MYO1C: variants seen among roughly 807,000 people sequenced by gnomAD.
The protein encoded by MYO1C is unconventional myosin-Ic.
Under a neutral mutation model 150.8 loss-of-function variants are expected in MYO1C, and 104 were observed. That is an observed-to-expected ratio of 0.69 (90% CI 0.59 to 0.81). The LOEUF (loss-of-function observed/expected upper bound fraction) is 0.81. Among genes scored for constraint, MYO1C ranks in the 30% least tolerant of loss-of-function variants. The pLI, the probability that MYO1C is intolerant of heterozygous loss-of-function variation, is 0.00. For missense variants in MYO1C, 1,504 were observed against 1,435.0 expected (o/e 1.05, Z -0.78); for synonymous variants, 663 against 579.9 (o/e 1.14, Z -2.06).
In MYO1C at chr17:1,492,582, C is replaced by T. The variant is rs1430892237; in HGVS notation, c.-95G>A. On this transcript the variant is annotated 5_prime_UTR_variant, in exon 1 of 32. Transcript: ENST00000648651. ...GCTCCGACCACTCCGGGACCAGGAA[C>T]CTACGGTCTAACGCCGGGATGGCCA... is the stretch of plus-strand genomic sequence containing the variant. 1.6e-6 allele frequency: 2 copies of T among 1,212,766 alleles called. No homozygotes were observed. Among genetic ancestry groups the T allele is most frequent in the Non-Finnish European group, 2.4e-6 (2 of 842,552 alleles). 75.1% of individuals were successfully genotyped at this position (1,212,766 alleles called of 1,614,324 possible).
rs371291004 is a variant in MYO1C at position 1,475,040 on chromosome 17, T to C, written c.1575-8A>G. On this transcript the variant is annotated splice_region_variant and splice_polypyrimidine_tract_variant and intron_variant, in intron 14 of 31. Coordinates refer to ENST00000648651, the MANE Select transcript of MYO1C (RefSeq NM_001080779.2). ...TGGTCAGCCAGCTTGTGCCTGGGGG[T>C]GACAGGGAGGAAGCTGCAGATGGCT... 2.9e-4 allele frequency: 444 copies of C among 1,550,364 alleles called. 1 individual carries two copies. In the South Asian group the frequency reaches 4.9e-3, roughly 17 times the overall value.
At chr17:1,487,824 G>A (rs1256100619) in intron 1 of MYO1C, among the ~76,000 whole-genome samples, 1 of 152,236 alleles carries the variant, frequency 6.6e-6, no homozygotes, top group Non-Finnish European at 1.5e-5. Context: ...GGGAGGCTGA[G>A]GCACGAGAAT....
intron 25 of MYO1C, chr17:1,469,183 T>C: frequency 8.0e-6 from 3 of 375,250 alleles, no homozygotes; most frequent in South Asian, 6.4e-5. Context: ...CCGGGGTAAA[T>C]ACGGTAGGCG....
rs965613046 is a variant in MYO1C, at chr17:1,465,649, G to A, written c.*77C>T. The A allele has an allele frequency of 2.2e-5, 28 of 1,292,744 alleles. No homozygotes were observed. The highest frequency in any genetic ancestry group is 2.0e-4 in the Middle Eastern group (1 of 4,928). The allele number at this position is 1,292,744 out of a possible 1,614,324, so 80.1% of individuals were successfully genotyped here. A position where few individuals can be genotyped will look rare whatever the true frequency, so the allele number is the denominator to read the frequency against. ...TCCCTGGGTCCCTGTCTGGAAGTTC[G>A]AGTCTTTGGTAACTGGGAAGGGGAG... On this transcript the variant is annotated 3_prime_UTR_variant, in exon 32 of 32. Transcript: ENST00000648651.
chr17:1,482,782 C>T (rs2074556089), intron 4 of MYO1C, 79 bp downstream of exon 4: 3 of 522,600 alleles, frequency 5.7e-6, no homozygotes. Context: ...TCTCTCCCTG[C>T]CCTCCCCTCC....
At chr17:1,467,459 C>G (rs118068886) in intron 30 of MYO1C, 21 bp downstream of exon 30, 25 of 1,610,750 alleles carry the variant, frequency 1.6e-5, no homozygotes, top group Non-Finnish European at 2.0e-5. Flanking sequence ...GCCCTGTCCC[C>G]GGGGGCCGCC....
rs1305578394 is a variant in MYO1C at position 1,470,691 on chromosome 17, T to C, written c.2213-2A>G. 1.2e-6 allele frequency: 2 copies of C among 1,603,024 alleles called. No individual in the cohort carries two copies. The highest frequency in any genetic ancestry group is 2.7e-5 in the African/African-American group (2 of 74,836). On this transcript the variant is annotated splice_acceptor_variant, in intron 21 of 31. Coordinates refer to ENST00000648651, the MANE Select transcript of MYO1C (RefSeq NM_001080779.2). LOFTEE classifies it high-confidence loss of function. Reference sequence around the variant, plus strand: ...TCCAGGCAGCTTGGATCTTTGTGGCTGCGGTTGGGAAAGAAAGGCAATTGG... The same window carrying C: ...TCCAGGCAGCTTGGATCTTTGTGGCCGCGGTTGGGAAAGAAAGGCAATTGG...
chr17:1,473,700 CGG>C (rs1414642488), intron 17 of MYO1C, among the ~76,000 whole-genome samples: 1 of 152,168 alleles, frequency 6.6e-6, no homozygotes, highest in African/African-American at 2.4e-5. Flanking sequence ...GCCTTTCCCC[CGG>C]TCCTTCTCCT....
chr17:1,477,561 G>C lies in MYO1C; in HGVS notation c.1518C>G (p.Asp506Glu), dbSNP rs1305412261. 6.2e-7 allele frequency: 1 copy of C among 1,613,656 alleles called. No individual in the cohort carries two copies. Among genetic ancestry groups the C allele is most frequent in the African/African-American group, 1.3e-5 (1 of 75,048 alleles). The part of the protein sequence containing the change: ...EECLRPGEAT[D>E]LTFLEKLEDT... ...CCTCCAGCTTCTCCAGGAAGGTCAG[G>C]TCTGTGGCCTCCCCGGGGCGCAGAC... Residue 506 changes from aspartate (D) to glutamate (E), a missense_variant, in exon 14 of 32, where the codon GAC (aspartate) becomes GAG (glutamate). Transcript: ENST00000648651.
At chr17:1,475,096 A>C in intron 14 of MYO1C, 64 bp from the exon 15 acceptor site, 1 of 1,510,658 alleles carries the variant, frequency 6.6e-7, no homozygotes, top group Non-Finnish European at 9.0e-7. Flanking sequence ...CTGCCTGCTG[A>C]AAGGGCCTCA....
In MYO1C at chr17:1,487,484, GGAGCGGCGGCCCTGGGGACCCCC is replaced by G. The variant is rs975341409; in HGVS notation, c.76-3204_76-3182del. On this transcript the variant is annotated intron_variant, in intron 1 of 31. Transcript: ENST00000648651. ...GGCTCGTCACTGCAACAACCCGGCCGGAGCGGCGGCCCTGGGGACCCCCGAGCGGGGGCACCAGCTGGTGGGGG... is the reference window on the plus strand; with the variant it reads ...GGCTCGTCACTGCAACAACCCGGCCGGAGCGGGGGCACCAGCTGGTGGGGG... 7.9e-5 allele frequency among the ~76,000 whole-genome samples: 12 copies of G among 152,226 alleles called. 1 individual carries two copies. Among genetic ancestry groups the G allele is most frequent in the South Asian group, 6.2e-4 (3 of 4,838 alleles).
In MYO1C at chr17:1,478,433, G is replaced by C; in HGVS notation, c.1272C>G (p.Gly424=). The C allele has an allele frequency of 6.2e-7, 1 of 1,614,204 alleles. No homozygotes were observed. Among genetic ancestry groups the C allele is most frequent in the Non-Finnish European group, 8.5e-7 (1 of 1,180,034 alleles). Reference sequence around the variant, plus strand: ...ACCTGTTATGCTGAAACACTTCAAAGCCATAAATATCCAGGAGCCCGAGAA... The same window carrying C: ...ACCTGTTATGCTGAAACACTTCAAACCCATAAATATCCAGGAGCCCGAGAA... The part of the protein sequence containing the change: ...TTVLGLLDIY[G]FEVFQHNSFE... Residue 424 remains glycine, a synonymous_variant, in exon 11 of 32, where the codon GGC becomes GGG. Coordinates refer to ENST00000648651, the MANE Select transcript of MYO1C (RefSeq NM_001080779.2). The surrounding 1 kb of genome is among the most constrained non-coding windows in gnomAD (Gnocchi z 6.3).
intron 1 of MYO1C, chr17:1,491,679 C>G (rs1001160876): frequency 2.0e-6 from 2 of 979,676 alleles, no homozygotes; most frequent in Non-Finnish European, 2.4e-6. Flanking sequence ...GGCGCACTCT[C>G]CCCGCCCAGG....
rs370234417 is a variant in MYO1C, at chr17:1,465,666, G to C, written c.*60C>G. 420 of 1,320,546 alleles carry C rather than the reference G, an allele frequency of 3.2e-4. No homozygotes were observed. The highest frequency in any genetic ancestry group is 3.9e-4 in the Non-Finnish European group (403 of 1,020,430). The allele number at this position is 1,320,546 out of a possible 1,614,324, so 81.8% of individuals were successfully genotyped here. A position where few individuals can be genotyped will look rare whatever the true frequency, so the allele number is the denominator to read the frequency against. ...GGAAGTTCGAGTCTTTGGTAACTGG[G>C]AAGGGGAGGAGGAGAAAAGCAAAGC... On this transcript the variant is annotated 3_prime_UTR_variant, in exon 32 of 32. Transcript: ENST00000648651.
intron 7 of MYO1C, among the ~76,000 whole-genome samples, chr17:1,480,304 T>C (rs1490871171): frequency 6.6e-6 from 1 of 150,460 alleles, no homozygotes; most frequent in Non-Finnish European, 1.5e-5. Flanking sequence ...AAAAATTAGC[T>C]GGGCGTGGTG....
intron 1 of MYO1C, among the ~76,000 whole-genome samples, chr17:1,490,528 C>T (rs910155738): frequency 2.0e-5 from 3 of 152,038 alleles, no homozygotes; most frequent in African/African-American, 7.2e-5. Context: ...CAAAAACAAA[C>T]AAAAACCTCA....
At chr17:1,474,581 C>G in intron 17 of MYO1C, 29 bp downstream of exon 17, 2 of 1,606,464 alleles carry the variant, frequency 1.2e-6, no homozygotes, top group South Asian at 1.1e-5. Context: ...GCGCATGCAC[C>G]CCTGCGCCCG....
intron 1 of MYO1C, chr17:1,485,057 G>T: frequency 8.3e-7 from 1 of 1,205,176 alleles, no homozygotes; most frequent in South Asian, 1.3e-5. Flanking sequence ...TCCTCCAGCT[G>T]CTGGGCTCCC....
chr17:1,470,438 C>A lies in MYO1C; in HGVS notation c.2363G>T (p.Arg788Leu). Residue 788 changes from arginine to leucine, a missense_variant, in exon 23 of 32, where the codon CGG becomes CTG. Coordinates refer to ENST00000648651, the MANE Select transcript of MYO1C (RefSeq NM_001080779.2). ...CACAAGGCACCCTGGCGCTCACCGC[C>A]GGATGGTCTGTGCCGCCCACTTCCT... ...AKRKWAAQTIRRLIRGFVLRH... is the reference protein window; with the variant it reads ...AKRKWAAQTILRLIRGFVLRH... The A allele has an allele frequency of 6.4e-7, 1 of 1,550,480 alleles. No individual in the cohort carries two copies. The highest frequency in any genetic ancestry group is 1.2e-5 in the South Asian group (1 of 84,076).
Sources: gnomAD v4.1 joint callset for allele counts (sites outside exome capture counted in the v4.1 genomes callset) on GRCh38, gnomAD v4.1.1 for gene constraint, Gnocchi (gnomAD v3.1) non-coding constraint, MANE v1.5 for transcripts, NCBI Gene and HGNC (gene_info 2026-07-23, HGNC 2026-07-21) for gene names.